The following VSTM5 variants were observed in gnomAD, a reference collection of about 807,000 sequenced individuals.
VSTM5 encodes V-set and transmembrane domain containing 5.
VSTM5 carries 21 observed loss-of-function variants against 20.3 expected under a neutral mutation model. That is an observed-to-expected ratio of 1.03 (90% CI 0.73 to 1.49). VSTM5 has a LOEUF of 1.49. Ranked by LOEUF, VSTM5 falls within the 40% of genes most tolerant of loss-of-function variation. The probability of loss-of-function intolerance (pLI) is 0.00; values close to 1 mark genes in which losing one functional copy is unlikely to be tolerated. For synonymous variants in VSTM5, 100 were observed against 102.5 expected, an observed-to-expected ratio of 0.98 and a Z score of 0.14; for missense variants, 219 against 250.0, an observed-to-expected ratio of 0.88 and a Z score of 0.84.
At chr11:93,849,905 C>A (rs1411822629) in intron 1 of VSTM5, among the ~76,000 whole-genome samples, 5 of 152,218 alleles carry the variant, frequency 3.3e-5, no homozygotes, top group Non-Finnish European at 7.3e-5. Flanking sequence ...GTTTTTCTCA[C>A]GGGAGCAGGC....
At position 93,820,196 on chromosome 11, in the gene VSTM5, T is replaced by G; in HGVS notation, c.*373A>C. On this transcript the variant is annotated 3_prime_UTR_variant, in exon 4 of 4. Transcript: ENST00000409977. ...TGCTGGCTGCACATCCATCTGGAAATCCTCTGGCCTCTGATACAGGGACTC... is the reference window on the plus strand; with the variant it reads ...TGCTGGCTGCACATCCATCTGGAAAGCCTCTGGCCTCTGATACAGGGACTC... 1 of 248,106 alleles carries G rather than the reference T, an allele frequency of 4.0e-6. No homozygotes were observed. Among genetic ancestry groups the G allele is most frequent in the Non-Finnish European group, 7.8e-6 (1 of 127,814 alleles). 15.4% of individuals were successfully genotyped at this position (248,106 alleles called of 1,614,324 possible). A position where few individuals can be genotyped will look rare whatever the true frequency, so the allele number is the denominator to read the frequency against.
chr11:93,836,231 A>G lies in VSTM5; in HGVS notation c.91+14181T>C, dbSNP rs140224793. On this transcript the variant is annotated intron_variant, in intron 1 of 3. Transcript: ENST00000409977. The stretch of plus-strand genomic sequence containing the variant: ...CATGAATGGTGACAATGGTCTCTCA[A>G]TGTGCTTCACTATGCCTGCTTAATC... Among the ~76,000 whole-genome samples the G allele has an allele frequency of 4.9e-4, 75 of 152,298 alleles. 1 individual carries two copies. The East Asian group carries it at 0.013, about 27-fold the overall frequency.
chr11:93,841,716 C>A (rs1465420655), intron 1 of VSTM5, among the ~76,000 whole-genome samples: 1 of 152,260 alleles, frequency 6.6e-6, no homozygotes, highest in Non-Finnish European at 1.5e-5. Flanking sequence ...AGGCCCTCCT[C>A]TCCTCTGACA....
chr11:93,849,129 T>TTCTC (rs146001767), intron 1 of VSTM5, among the ~76,000 whole-genome samples: 1 of 152,002 alleles, frequency 6.6e-6, no homozygotes, highest in Non-Finnish European at 1.5e-5. Flanking sequence ...ATATTATTTT[T>TTCTC]TCTCTCTCTC....
At chr11:93,833,130 C>G (rs1336861259) in intron 1 of VSTM5, among the ~76,000 whole-genome samples, 1 of 152,188 alleles carries the variant, frequency 6.6e-6, no homozygotes, top group Non-Finnish European at 1.5e-5. Context: ...GTATGTTATA[C>G]AGAATATAAA....
intron 1 of VSTM5, among the ~76,000 whole-genome samples, chr11:93,837,339 T>C (rs1044703428): frequency 2.6e-5 from 4 of 152,112 alleles, no homozygotes; most frequent in South Asian, 2.1e-4. Flanking sequence ...GCCTGAAATA[T>C]ATTTTTGATC....
intron 1 of VSTM5, among the ~76,000 whole-genome samples, chr11:93,829,321 G>C (rs1421837489): frequency 6.6e-6 from 1 of 152,218 alleles, no homozygotes; most frequent in Non-Finnish European, 1.5e-5. Flanking sequence ...GAAGTCAGGA[G>C]TTTCAGAACA....
intron 1 of VSTM5, among the ~76,000 whole-genome samples, chr11:93,825,994 C>G (rs901666633): frequency 6.6e-6 from 1 of 151,444 alleles, no homozygotes; most frequent in South Asian, 2.1e-4. Context: ...CCCAGCACTT[C>G]GAGAGGCCAG....
At chr11:93,824,633 T>C (rs566507819) in intron 1 of VSTM5, among the ~76,000 whole-genome samples, 18 of 152,358 alleles carry the variant, frequency 1.2e-4, no homozygotes, top group African/African-American at 4.3e-4. Flanking sequence ...TTCCATTTTA[T>C]TGATTGTTTC....
intron 1 of VSTM5, among the ~76,000 whole-genome samples, chr11:93,846,851 C>T (rs1449331257): frequency 6.7e-6 from 1 of 150,028 alleles, no homozygotes; most frequent in Non-Finnish European, 1.5e-5. Flanking sequence ...ACTGCAACCT[C>T]TGCCTCCCGG....
intron 1 of VSTM5, among the ~76,000 whole-genome samples, chr11:93,823,428 C>T (rs761457572): frequency 3.9e-5 from 6 of 152,020 alleles, no homozygotes; most frequent in Admixed American, 3.3e-4. Flanking sequence ...ATGATGATCA[C>T]GATTAAATTA....
chr11:93,822,959 G>C (rs1318272563), intron 1 of VSTM5, among the ~76,000 whole-genome samples: 1 of 152,152 alleles, frequency 6.6e-6, no homozygotes, highest in Middle Eastern at 3.2e-3. Context: ...TATACATTCT[G>C]TTAACCATGG....
At position 93,847,875 on chromosome 11, in the gene VSTM5, C is replaced by T. The variant is rs920825391; in HGVS notation, c.91+2537G>A. Among the ~76,000 whole-genome samples, 5 of 152,170 alleles carry T rather than the reference C, an allele frequency of 3.3e-5. No homozygotes were observed. In the South Asian group the frequency reaches 8.3e-4, roughly 25 times the overall value. ...GCTGGGAAGCTCAAGATCAAGGTGC[C>T]AGTTTTTGGTGAGGGCCTTCTTCCT... On this transcript the variant is annotated intron_variant, in intron 1 of 3. Coordinates refer to ENST00000409977, the MANE Select transcript of VSTM5 (RefSeq NM_001144871.2).
At chr11:93,826,900 T>G (rs577340606) in intron 1 of VSTM5, among the ~76,000 whole-genome samples, 5 of 152,204 alleles carry the variant, frequency 3.3e-5, no homozygotes, top group African/African-American at 4.8e-5. Context: ...ATTTTACTCC[T>G]ACTGTTGATT....
In VSTM5 at chr11:93,821,360, A is replaced by G. The variant is rs751413994; in HGVS notation, c.92-37T>C. 1.3e-5 allele frequency: 20 copies of G among 1,504,970 alleles called. 1 individual carries two copies. The South Asian group carries it at 2.5e-4, about 19-fold the overall frequency. 93.2% of individuals were successfully genotyped at this position (1,504,970 alleles called of 1,614,324 possible). On this transcript the variant is annotated intron_variant, in intron 1 of 3. Coordinates refer to ENST00000409977, the MANE Select transcript of VSTM5 (RefSeq NM_001144871.2). Reference sequence around the variant, plus strand: ...TATGCTGGATGTTGGGCACATATATATGGCTTTATACTGAAGTGAACTTAT... The same window carrying G: ...TATGCTGGATGTTGGGCACATATATGTGGCTTTATACTGAAGTGAACTTAT...
intron 1 of VSTM5, among the ~76,000 whole-genome samples, chr11:93,844,661 A>C (rs1410355202): frequency 6.6e-6 from 1 of 152,150 alleles, no homozygotes; most frequent in Admixed American, 6.5e-5. Context: ...CGCCAGTGCT[A>C]AGAACTTTCT....
chr11:93,838,627 TAAAAA>T (rs56088617), intron 1 of VSTM5, among the ~76,000 whole-genome samples: 2 of 93,228 alleles, frequency 2.1e-5, no homozygotes, highest in African/African-American at 8.6e-5. Flanking sequence ...TCCCGTCTCT[TAAAAA>T]AAAAAAAAAA....
At position 93,818,748 on chromosome 11, in the gene VSTM5, A is replaced by G. The variant is rs679241; in HGVS notation, c.*1821T>C. 124,438 of 152,102 alleles carry G rather than the reference A, an allele frequency of 0.82. 52,009 individuals carry two copies. The highest frequency in any genetic ancestry group is 0.9 in the Admixed American group (13,762 of 15,286). 9.4% of individuals were successfully genotyped at this position (152,102 alleles called of 1,614,324 possible). A position where few individuals can be genotyped will look rare whatever the true frequency, so the allele number is the denominator to read the frequency against. On this transcript the variant is annotated 3_prime_UTR_variant, in exon 4 of 4. Coordinates refer to ENST00000409977, the MANE Select transcript of VSTM5 (RefSeq NM_001144871.2). ...CTGGTGGCCTCTCTGTGTGAAAGAC[A>G]AGAAAGAAATCAGCAGATTATCCTT... is the stretch of plus-strand genomic sequence containing the variant.
At position 93,820,767 on chromosome 11, in the gene VSTM5, T is replaced by A. The variant is rs1177188727; in HGVS notation, c.535A>T (p.Arg179Trp). The A allele has an allele frequency of 3.9e-6, 6 of 1,551,570 alleles. No individual in the cohort carries two copies. Among genetic ancestry groups the A allele is most frequent in the Non-Finnish European group, 5.2e-6 (6 of 1,147,010 alleles). Residue 179 changes from arginine to tryptophan, a missense_variant, in exon 3 of 4, where the codon AGG (arginine) becomes TGG (tryptophan). Physicochemically the swap from Arg to Trp is moderately radical, Grantham distance 101 (BLOSUM62 -3). Coordinates refer to ENST00000409977, the MANE Select transcript of VSTM5 (RefSeq NM_001144871.2). Reference sequence around the variant, plus strand: ...CCTTTGAGTTTGTGTCTTCTCTTCCTCTGAAATTTATATGCACACTTATTA... The same window carrying A: ...CCTTTGAGTTTGTGTCTTCTCTTCCACTGAAATTTATATGCACACTTATTA... ...VCNKCAYKFQ[R>W]KRRHKLKEST...
Sources: gnomAD v4.1 joint callset for allele counts (sites outside exome capture counted in the v4.1 genomes callset) on GRCh38, gnomAD v4.1.1 for gene constraint, MANE v1.5 for transcripts, NCBI Gene and HGNC (gene_info 2026-07-23, HGNC 2026-07-21) for gene names.